Variants in PIK3CB observed in about 807,000 individuals in gnomAD.
PIK3CB encodes phosphatidylinositol 4,5-bisphosphate 3-kinase catalytic subunit beta isoform.
In PIK3CB, 39 loss-of-function variants were observed where a neutral mutation model predicts 136.8. The observed-to-expected ratio is 0.29, with a 90% CI of 0.22 to 0.37. The LOEUF (loss-of-function observed/expected upper bound fraction) is 0.37. Among genes scored for constraint, PIK3CB ranks in the 10% least tolerant of loss-of-function variants. PIK3CB has a pLI of 1.00. For synonymous variants in PIK3CB, 428 were observed against 436.6 expected (o/e 0.98, Z 0.25); for missense variants, 868 against 1,275.4 (o/e 0.68, Z 4.87).
Position 138,655,107 on chromosome 3 carries a change from G to A in PIK3CB, c.*282C>T, listed in dbSNP as rs549188344. On this transcript the variant is annotated 3_prime_UTR_variant, in exon 24 of 24. Transcript: ENST00000674063. ...AATATTAGAAAAAACAAACAAAAAC[G>A]GAAACAATCCCTAGTAGCATTCCTT... The A allele has an allele frequency of 7.9e-5, 29 of 369,420 alleles. No individual in the cohort carries two copies. The highest frequency in any genetic ancestry group is 5.1e-4 in the Admixed American group (12 of 23,742). The allele number at this position is 369,420 out of a possible 1,614,324, so 22.9% of individuals were successfully genotyped here.
intron 7 of PIK3CB, 72 bp downstream of exon 7, chr3:138,734,560 ATG>A: frequency 9.2e-7 from 1 of 1,087,774 alleles, no homozygotes. Flanking sequence ...CAAAGGAAAT[ATG>A]TGTGAAACTT....
At chr3:138,721,939 T>C (rs1038635073) in intron 8 of PIK3CB, among the ~76,000 whole-genome samples, 1 of 152,196 alleles carries the variant, frequency 6.6e-6, no homozygotes, top group East Asian at 1.9e-4. Context: ...TGAAATATGC[T>C]ACAAACTCAT....
chr3:138,681,637 C>T (rs2043784591), intron 19 of PIK3CB, among the ~76,000 whole-genome samples: 1 of 152,160 alleles, frequency 6.6e-6, no homozygotes, highest in Admixed American at 6.5e-5. Context: ...TATAAAAAGG[C>T]ACAGGACTTT....
chr3:138,795,584 T>C (rs577240821), intron 2 of PIK3CB, among the ~76,000 whole-genome samples: 3 of 152,220 alleles, frequency 2.0e-5, no homozygotes, highest in Non-Finnish European at 2.9e-5. Context: ...TTAGCCAAGA[T>C]GGTGCCACTG....
At chr3:138,708,808 C>G (rs1483063746) in intron 10 of PIK3CB, among the ~76,000 whole-genome samples, 4 of 152,114 alleles carry the variant, frequency 2.6e-5, no homozygotes, top group African/African-American at 9.7e-5. Flanking sequence ...TTTCATACTT[C>G]TGCTCTCTAG....
At chr3:138,677,619 G>C (rs1037934576) in intron 19 of PIK3CB, among the ~76,000 whole-genome samples, 2 of 152,222 alleles carry the variant, frequency 1.3e-5, no homozygotes, top group African/African-American at 4.8e-5. Context: ...AAATCTGGCT[G>C]GGCGCGGTGA....
chr3:138,659,819 A>ATTC, intron 21 of PIK3CB, among the ~76,000 whole-genome samples: 1 of 150,536 alleles, frequency 6.6e-6, no homozygotes, highest in Non-Finnish European at 1.5e-5. Context: ...GGCTCTGGGA[A>ATTC]ATGTCTTAGT....
At chr3:138,817,135 G>A (rs1933372982) in intron 1 of PIK3CB, among the ~76,000 whole-genome samples, 1 of 151,766 alleles carries the variant, frequency 6.6e-6, no homozygotes, top group Non-Finnish European at 1.5e-5. Flanking sequence ...TCTGGAGATC[G>A]AGACCATCCT....
At chr3:138,755,724 T>C (rs2045554511) in intron 4 of PIK3CB, 30 bp downstream of exon 4, 2 of 1,067,010 alleles carry the variant, frequency 1.9e-6, no homozygotes, top group Non-Finnish European at 2.8e-6. Flanking sequence ...ATATTAAGAA[T>C]TTGTACTTTT....
intron 16 of PIK3CB, among the ~76,000 whole-genome samples, chr3:138,686,450 T>A (rs2043894908): frequency 6.6e-6 from 1 of 151,760 alleles, no homozygotes; most frequent in Non-Finnish European, 1.5e-5. Flanking sequence ...AAAAATAAAA[T>A]AAATAAATAA....
intron 19 of PIK3CB, among the ~76,000 whole-genome samples, chr3:138,670,043 G>C (rs578130222): frequency 1.3e-5 from 2 of 152,126 alleles, no homozygotes; most frequent in East Asian, 3.9e-4. Flanking sequence ...GATCTCACTG[G>C]ACAGACAAGT....
intron 1 of PIK3CB, among the ~76,000 whole-genome samples, chr3:138,799,723 C>T (rs1221189213): frequency 6.6e-6 from 1 of 151,988 alleles, no homozygotes; most frequent in Admixed American, 6.6e-5. Flanking sequence ...TGTCACCCAG[C>T]CTGTTGTGCA....
chr3:138,666,970 C>T (rs976657348), intron 19 of PIK3CB, among the ~76,000 whole-genome samples: 2 of 151,990 alleles, frequency 1.3e-5, no homozygotes, highest in African/African-American at 2.4e-5. Context: ...GGGAGACCAA[C>T]GTGGGTGGAT....
chr3:138,788,993 CAAA>C, intron 2 of PIK3CB, among the ~76,000 whole-genome samples: 1 of 94,088 alleles, frequency 1.1e-5, no homozygotes, highest in East Asian at 2.7e-4. Context: ...AAAAAAAAAA[CAAA>C]AAACAACACC....
At chr3:138,728,235 G>A (rs1321834586) in intron 8 of PIK3CB, among the ~76,000 whole-genome samples, 2 of 152,042 alleles carry the variant, frequency 1.3e-5, no homozygotes, top group African/African-American at 2.4e-5. Context: ...TTTTCTGAAC[G>A]TAAACTTGTT....
chr3:138,747,622 GT>G (rs1158437815), intron 4 of PIK3CB, among the ~76,000 whole-genome samples: 1 of 151,432 alleles, frequency 6.6e-6, no homozygotes, highest in Non-Finnish European at 1.5e-5. Context: ...GTGTATGTAA[GT>G]TTTGAAATTT....
chr3:138,745,023 T>C (rs1310569189), intron 4 of PIK3CB, among the ~76,000 whole-genome samples: 1 of 152,250 alleles, frequency 6.6e-6, no homozygotes, highest in African/African-American at 2.4e-5. Context: ...TCATGTACAA[T>C]ATCGGGACAG....
intron 8 of PIK3CB, among the ~76,000 whole-genome samples, chr3:138,727,375 C>A (rs1341851588): frequency 6.6e-6 from 1 of 152,226 alleles, no homozygotes; most frequent in African/African-American, 2.4e-5. Flanking sequence ...AGACACTCAG[C>A]TCTTCCTAGC....
intron 2 of PIK3CB, among the ~76,000 whole-genome samples, chr3:138,762,094 A>G (rs1238642289): frequency 6.9e-6 from 1 of 145,816 alleles, no homozygotes; most frequent in Non-Finnish European, 1.5e-5. Context: ...TAAAAATACA[A>G]AAAAATTAGC....
Sources: allele counts gnomAD v4.1 joint callset (sites outside exome capture counted in the v4.1 genomes callset), GRCh38; gene constraint gnomAD v4.1.1; transcripts MANE v1.5; gene names NCBI Gene and HGNC (gene_info 2026-07-23, HGNC 2026-07-21).